Variants in PTGR1 observed in about 807,000 individuals in gnomAD.
PTGR1 encodes 15-oxoprostaglandin 13-reductase.
PTGR1 carries 23 observed loss-of-function variants against 37.7 expected under a neutral mutation model. That is an observed-to-expected ratio of 0.61 (90% confidence interval 0.44 to 0.86). PTGR1 has a LOEUF of 0.86. Among genes scored for constraint, PTGR1 ranks in the 40% least tolerant of loss-of-function variants. The pLI, the probability that PTGR1 is intolerant of heterozygous loss-of-function variation, is 0.00. For synonymous variants in PTGR1, 134 were observed against 140.0 expected, an observed-to-expected ratio of 0.96 and a Z score of 0.30; for missense variants, 351 against 394.3, an observed-to-expected ratio of 0.89 and a Z score of 0.93.
At chr9:111,594,339 C>T in intron 2 of PTGR1, 72 bp from the exon 3 acceptor site, 1 of 1,363,706 alleles carries the variant, frequency 7.3e-7, no homozygotes. Flanking sequence ...CTGAGCACCA[C>T]TAGACAGGAG....
chr9:111,575,658 C>G (rs1829024330), intron 7 of PTGR1, among the ~76,000 whole-genome samples: 1 of 152,184 alleles, frequency 6.6e-6, no homozygotes, highest in Admixed American at 6.5e-5. Context: ...GAAAAATAGT[C>G]CTTTCAATAA....
At chr9:111,574,690 G>T in intron 8 of PTGR1, 44 bp downstream of exon 8, 1 of 1,397,700 alleles carries the variant, frequency 7.2e-7, no homozygotes, top group Non-Finnish European at 9.9e-7. Flanking sequence ...TTTTCTCCTT[G>T]TCCAGCCTTG....
chr9:111,586,138 T>C lies in PTGR1; in HGVS notation c.237A>G (p.Leu79=). 5 of 1,614,184 alleles carry C rather than the reference T, an allele frequency of 3.1e-6. No homozygotes were observed. In the Admixed American group the frequency reaches 6.7e-5, roughly 22 times the overall value. The stretch of plus-strand genomic sequence containing the variant: ...AAGCCAGTACAATAGTTCCTTTTGG[T>C]AGGGCTACATTTTTACTTTCCACAA... The part of the protein sequence containing the change: ...AKVVESKNVA[L]PKGTIVLASP... The change falls in exon 5 of 10, where the codon CTA becomes CTG. Residue 79 remains leucine, a synonymous_variant. Transcript: ENST00000407693.
Position 111,593,919 on chromosome 9 carries a change from GGT to G in PTGR1, c.152+301_152+302del, listed in dbSNP as rs369375426. ...CCCAGGCTTTATTTTTTTCTTTTAA[GGT>G]TTTTTTTTTCCTTCTTTTTTTTTTT... On this transcript the variant is annotated intron_variant, in intron 3 of 9. Coordinates refer to ENST00000407693, the MANE Select transcript of PTGR1 (RefSeq NM_001146108.2). Among the ~76,000 whole-genome samples the G allele has an allele frequency of 1.2e-3, 75 of 60,532 alleles. 1 individual carries two copies. The highest frequency in any genetic ancestry group is 6.0e-3 in the African/African-American group (63 of 10,452). 39.7% of individuals were successfully genotyped at this position (60,532 alleles called of 152,430 possible).
chr9:111,549,851 C>T, intron 9 of PTGR1: 1 of 1,177,898 alleles, frequency 8.5e-7, no homozygotes, highest in African/African-American at 1.5e-5. Context: ...AAGGCAGTTG[C>T]TTTAAAGTCT....
chr9:111,567,907 C>T (rs1421942836), intron 9 of PTGR1, among the ~76,000 whole-genome samples: 1 of 152,088 alleles, frequency 6.6e-6, no homozygotes, highest in African/African-American at 2.4e-5. Context: ...TATCAGTTCC[C>T]AAATTAATAC....
chr9:111,570,614 T>TA lies in PTGR1; in HGVS notation c.761-406dup, dbSNP rs75586959. Reference sequence around the variant, plus strand: ...TGAAACCCCCGTCTCTTCTAAAAATTAAAAAAAAAAAAAAATTAGCTGGGC... The same window carrying TA: ...TGAAACCCCCGTCTCTTCTAAAAATTAAAAAAAAAAAAAAAATTAGCTGGGC... On this transcript the variant is annotated intron_variant, in intron 8 of 9. Coordinates refer to ENST00000407693, the MANE Select transcript of PTGR1 (RefSeq NM_001146108.2). 3.4e-3 allele frequency among the ~76,000 whole-genome samples: 467 copies of TA among 138,956 alleles called. 2 individuals carry two copies. Among genetic ancestry groups the TA allele is most frequent in the Middle Eastern group, 0.022 (6 of 278 alleles). The allele number at this position is 138,956 out of a possible 152,430, so 91.2% of individuals were successfully genotyped here. A position where few individuals can be genotyped will look rare whatever the true frequency, so the allele number is the denominator to read the frequency against.
chr9:111,553,077 CAT>C (rs1172178968), intron 9 of PTGR1, among the ~76,000 whole-genome samples: 3 of 152,184 alleles, frequency 2.0e-5, no homozygotes, highest in East Asian at 1.9e-4. Flanking sequence ...ACTCGCAGTT[CAT>C]ATGAGTAATT....
At chr9:111,598,939 C>T (rs1485023143) in intron 1 of PTGR1, among the ~76,000 whole-genome samples, 2 of 152,168 alleles carry the variant, frequency 1.3e-5, no homozygotes, top group Non-Finnish European at 2.9e-5. Context: ...GGCCAACAAG[C>T]CCCCATTCCC....
intron 6 of PTGR1, among the ~76,000 whole-genome samples, chr9:111,583,172 A>G (rs1013047036): frequency 3.3e-5 from 5 of 152,264 alleles, no homozygotes; most frequent in African/African-American, 1.2e-4. Flanking sequence ...ATCATGAAGA[A>G]AGAAGATTAA....
At chr9:111,581,413 T>A (rs1481171126) in intron 6 of PTGR1, among the ~76,000 whole-genome samples, 2 of 152,174 alleles carry the variant, frequency 1.3e-5, no homozygotes, top group African/African-American at 4.8e-5. Flanking sequence ...GCTAACTAAG[T>A]TGCAGGCAGG....
chr9:111,597,997 T>G (rs1318462366), intron 1 of PTGR1, among the ~76,000 whole-genome samples: 1 of 60,794 alleles, frequency 1.6e-5, no homozygotes, highest in Non-Finnish European at 3.5e-5. Flanking sequence ...CAGGTGCGTT[T>G]TTTTTTTTTT....
chr9:111,593,248 T>C (rs1829677906), intron 3 of PTGR1, among the ~76,000 whole-genome samples: 1 of 152,130 alleles, frequency 6.6e-6, no homozygotes, highest in African/African-American at 2.4e-5. Context: ...ACAAAAGTCT[T>C]ACTGCCATGT....
intron 4 of PTGR1, among the ~76,000 whole-genome samples, chr9:111,586,782 ACTCTCT>A (rs35858814): frequency 2.2e-5 from 3 of 136,246 alleles, no homozygotes; most frequent in Middle Eastern, 3.9e-3. Context: ...TTACTTTTCC[ACTCTCT>A]CTCTCTCTCT....
chr9:111,579,029 T>C, intron 6 of PTGR1, 78 bp from the exon 7 acceptor site: 1 of 1,397,288 alleles, frequency 7.2e-7, no homozygotes, highest in Non-Finnish European at 9.5e-7. Context: ...TGGTCTCGTA[T>C]GCCTAGGTTC....
chr9:111,552,234 G>C (rs1827987152), intron 9 of PTGR1, among the ~76,000 whole-genome samples: 1 of 152,068 alleles, frequency 6.6e-6, no homozygotes, highest in Admixed American at 6.5e-5. Context: ...AAATTCTTTT[G>C]TAAGTCATCC....
At chr9:111,573,756 G>C (rs970872281) in intron 8 of PTGR1, among the ~76,000 whole-genome samples, 1 of 152,168 alleles carries the variant, frequency 6.6e-6, no homozygotes, top group Admixed American at 6.5e-5. Context: ...CATAAAATGA[G>C]AGGCCTGTAC....
chr9:111,577,104 T>A (rs1011243648), intron 7 of PTGR1: 6 of 150,348 alleles, frequency 4.0e-5, no homozygotes, highest in Admixed American at 3.3e-4. Context: ...AAAAAAAAAA[T>A]CTTACAACCT....
intron 6 of PTGR1, among the ~76,000 whole-genome samples, chr9:111,579,303 C>A (rs1829199648): frequency 6.6e-6 from 1 of 152,066 alleles, no homozygotes; most frequent in South Asian, 2.1e-4. Flanking sequence ...TTGGTACAGT[C>A]ATTCTTCAGA....
Sources: gnomAD v4.1 joint callset for allele counts (sites outside exome capture counted in the v4.1 genomes callset) on GRCh38, gnomAD v4.1.1 for gene constraint, MANE v1.5 for transcripts, NCBI Gene and HGNC (gene_info 2026-07-23, HGNC 2026-07-21) for gene names.